RBFOX3: variants seen among roughly 807,000 people sequenced by gnomAD.
The protein encoded by RBFOX3 is RNA binding fox-1 homolog 3, also known as RNA binding protein fox-1 homolog 3.
A neutral mutation model predicts 48.7 loss-of-function variants in RBFOX3; 17 were observed. The observed-to-expected ratio is 0.35, with a 90% CI of 0.24 to 0.52. The LOEUF (loss-of-function observed/expected upper bound fraction) is 0.52, where lower values mean the gene tolerates loss of function less well. Among genes scored for constraint, RBFOX3 ranks in the 20% least tolerant of loss-of-function variants. The probability of loss-of-function intolerance (pLI) is 0.94; values close to 1 mark genes in which losing one functional copy is unlikely to be tolerated. For synonymous variants in RBFOX3, 212 were observed against 209.5 expected (o/e 1.01, Z -0.10); for missense variants, 382 against 497.5 (o/e 0.77, Z 2.21).
chr17:79,215,928 G>C (rs1002705020), intron 4 of RBFOX3, among the ~76,000 whole-genome samples: 20 of 152,264 alleles, frequency 1.3e-4, no homozygotes, highest in Non-Finnish European at 2.1e-4. Flanking sequence ...GTCGTCCTGA[G>C]GGTTCCTGAG....
the RBFOX3 span, among the ~76,000 whole-genome samples, chr17:79,645,093 C>A: frequency 6.6e-6 from 1 of 152,178 alleles, no homozygotes; most frequent in Non-Finnish European, 1.5e-5. Context: ...CACTTCTCAC[C>A]AATTCTGCCA....
chr17:79,265,916 A>G (rs1437131663), intron 3 of RBFOX3, among the ~76,000 whole-genome samples: 1 of 152,240 alleles, frequency 6.6e-6, no homozygotes, highest in Non-Finnish European at 1.5e-5. Flanking sequence ...GCTCAGGTCA[A>G]GAAGGCTCAT....
At chr17:79,525,485 C>T (rs1803015296) in intron 1 of RBFOX3, among the ~76,000 whole-genome samples, 2 of 152,196 alleles carry the variant, frequency 1.3e-5, no homozygotes, top group Non-Finnish European at 1.5e-5. Flanking sequence ...CCTGGAAATG[C>T]TTCCCAGTCT....
the RBFOX3 span, among the ~76,000 whole-genome samples, chr17:79,620,311 A>G: frequency 3.3e-5 from 5 of 151,350 alleles, no homozygotes; most frequent in Non-Finnish European, 7.4e-5. Flanking sequence ...GCACATGCAC[A>G]AATATGTACA....
At position 79,109,318 on chromosome 17, in the gene RBFOX3, A is replaced by G. The variant is rs554889905; in HGVS notation, c.223-2530T>C. ...GGTGGGCACAGCTGGCAGGGCCAGG[A>G]GGGTGGATGACAGGCCTCCGGAGAC... is the stretch of plus-strand genomic sequence containing the variant. On this transcript the variant is annotated intron_variant, in intron 5 of 14. Coordinates refer to ENST00000693108, the MANE Select transcript of RBFOX3 (RefSeq NM_001350451.2). Among the ~76,000 whole-genome samples, 441 of 152,282 alleles carry G rather than the reference A, an allele frequency of 2.9e-3. 1 individual carries two copies. Among genetic ancestry groups the G allele is most frequent in the Non-Finnish European group, 5.0e-3 (337 of 68,010 alleles).
chr17:79,272,360 C>T (rs1482395492), intron 3 of RBFOX3, among the ~76,000 whole-genome samples: 1 of 152,178 alleles, frequency 6.6e-6, no homozygotes, highest in Non-Finnish European at 1.5e-5. Context: ...TCATCTGAGT[C>T]CAGGCCTGCA....
intron 4 of RBFOX3, among the ~76,000 whole-genome samples, chr17:79,182,584 G>A (rs1402495642): frequency 1.3e-5 from 2 of 151,400 alleles, no homozygotes; most frequent in Non-Finnish European, 2.9e-5. Flanking sequence ...TGCTCTGTGC[G>A]CACCTCCCCA....
intron 3 of RBFOX3, among the ~76,000 whole-genome samples, chr17:79,283,350 C>T (rs1235054733): frequency 2.0e-5 from 3 of 149,582 alleles, no homozygotes; most frequent in South Asian, 4.2e-4. Context: ...CTCACTGCAA[C>T]CTCTGCCTCC....
At chr17:79,177,675 G>A (rs1303902642) in intron 4 of RBFOX3, among the ~76,000 whole-genome samples, 11 of 152,228 alleles carry the variant, frequency 7.2e-5, no homozygotes, top group Non-Finnish European at 1.5e-5. Context: ...CAGAGCCTGG[G>A]TGCAGGTGGA....
intron 2 of RBFOX3, among the ~76,000 whole-genome samples, chr17:79,476,082 T>C (rs62062821): frequency 0.052 from 7,954 of 152,356 alleles, 243 homozygotes; most frequent in South Asian, 0.082. Context: ...TGGGGGCCAC[T>C]GACACCCTGA....
chr17:79,380,841 C>T (rs56253802), intron 2 of RBFOX3, among the ~76,000 whole-genome samples: 26,815 of 152,056 alleles, frequency 0.18, 2,573 homozygotes, highest in South Asian at 0.29. Flanking sequence ...CGAGCACTTC[C>T]GTATTTGGAC....
At chr17:79,091,420 C>T (rs1167075401) in intron 14 of RBFOX3, among the ~76,000 whole-genome samples, 1 of 152,220 alleles carries the variant, frequency 6.6e-6, no homozygotes, top group South Asian at 2.1e-4. Context: ...CTGTGCCTGT[C>T]TTGGCTGGCT....
At chr17:79,540,364 G>T (rs1306524890) in intron 1 of RBFOX3, among the ~76,000 whole-genome samples, 1 of 152,212 alleles carries the variant, frequency 6.6e-6, no homozygotes, top group Non-Finnish European at 1.5e-5. Context: ...GAAGGGAGTC[G>T]GCAAATGCAG....
rs143364224 is a variant in RBFOX3, at chr17:79,209,945, C to T, written c.-34+25821G>A. On this transcript the variant is annotated intron_variant, in intron 4 of 14. Transcript: ENST00000693108. Reference sequence around the variant, plus strand: ...CTGGGAGGCGGAGCTTGCAGTGAGCCGAGATCACGCCACTGCACTCTAGCC... The same window carrying T: ...CTGGGAGGCGGAGCTTGCAGTGAGCTGAGATCACGCCACTGCACTCTAGCC... Among the ~76,000 whole-genome samples the T allele has an allele frequency of 8.4e-3, 1,235 of 146,532 alleles. 17 individuals are homozygous for T. Among genetic ancestry groups the T allele is most frequent in the African/African-American group, 0.028 (1,118 of 39,632 alleles).
intron 2 of RBFOX3, among the ~76,000 whole-genome samples, chr17:79,466,594 C>A (rs1214469467): frequency 6.6e-6 from 1 of 152,200 alleles, no homozygotes; most frequent in Non-Finnish European, 1.5e-5. Context: ...GCCATGCATG[C>A]CCATTGGAGG....
At chr17:79,291,489 C>A (rs1197983729) in intron 3 of RBFOX3, among the ~76,000 whole-genome samples, 2 of 152,166 alleles carry the variant, frequency 1.3e-5, no homozygotes, top group Non-Finnish European at 2.9e-5. Context: ...TGAAGTCTTG[C>A]AAAAGCTCTT....
intron 1 of RBFOX3, among the ~76,000 whole-genome samples, chr17:79,575,827 G>T (rs895266997): frequency 1.6e-4 from 24 of 152,252 alleles, no homozygotes; most frequent in Admixed American, 7.8e-4. Context: ...CCATAAGGCT[G>T]CAAATTATTT....
At chr17:79,353,450 TG>T (rs2084347608) in intron 2 of RBFOX3, among the ~76,000 whole-genome samples, 1 of 152,186 alleles carries the variant, frequency 6.6e-6, no homozygotes, top group South Asian at 2.1e-4. Flanking sequence ...AAGCTTTGTT[TG>T]TTTGAGCAAA....
At chr17:79,236,309 T>C (rs1011205383) in intron 3 of RBFOX3, among the ~76,000 whole-genome samples, 1 of 152,078 alleles carries the variant, frequency 6.6e-6, no homozygotes, top group African/African-American at 2.4e-5. Context: ...TATTTATTTG[T>C]TTTTGGAGAT....
Sources: allele counts gnomAD v4.1 joint callset (sites outside exome capture counted in the v4.1 genomes callset), GRCh38; gene constraint gnomAD v4.1.1; transcripts MANE v1.5; gene names NCBI Gene and HGNC (gene_info 2026-07-23, HGNC 2026-07-21).